NCKAP5: variants seen among roughly 807,000 people sequenced by gnomAD.
NCKAP5 encodes the protein nck-associated protein 5.
NCKAP5 carries 92 observed loss-of-function variants against 167.0 expected under a neutral mutation model. The observed-to-expected ratio is 0.55, with a 90% CI of 0.47 to 0.66. The LOEUF (loss-of-function observed/expected upper bound fraction) is 0.66, where lower values mean the gene tolerates loss of function less well. Ranked by LOEUF, NCKAP5 falls within the 30% of genes least tolerant of loss-of-function variation. NCKAP5 has a pLI of 0.00. For missense variants in NCKAP5, 2,378 were observed against 2,315.0 expected, an observed-to-expected ratio of 1.03 and a Z score of -0.56; for synonymous variants, 891 against 877.4, an observed-to-expected ratio of 1.02 and a Z score of -0.27.
intron 6 of NCKAP5, among the ~76,000 whole-genome samples, chr2:133,024,757 TCTC>T (rs1459229501): frequency 2.0e-5 from 3 of 152,208 alleles, no homozygotes; most frequent in Non-Finnish European, 4.4e-5. Context: ...TTCTCAATCT[TCTC>T]CTCTTATTTA....
At chr2:133,124,514 C>CAA (rs2082342543) in intron 6 of NCKAP5, among the ~76,000 whole-genome samples, 2 of 152,196 alleles carry the variant, frequency 1.3e-5, no homozygotes, top group Non-Finnish European at 2.9e-5. Flanking sequence ...TGTCACTATG[C>CAA]AATCATTAAT....
the NCKAP5 span, among the ~76,000 whole-genome samples, chr2:133,638,231 TAGAC>T: frequency 2.0e-5 from 3 of 152,144 alleles, no homozygotes; most frequent in South Asian, 2.1e-4. Flanking sequence ...AACTTTTAAA[TAGAC>T]AGGTAGATCT....
At chr2:133,233,395 C>CATA (rs2150258424) in intron 4 of NCKAP5, among the ~76,000 whole-genome samples, 1 of 152,150 alleles carries the variant, frequency 6.6e-6, no homozygotes, top group South Asian at 2.1e-4. Context: ...CAACACTGGC[C>CATA]AGTATCCCTA....
At chr2:133,490,173 G>A (rs1681312792) in intron 3 of NCKAP5, among the ~76,000 whole-genome samples, 1 of 152,194 alleles carries the variant, frequency 6.6e-6, no homozygotes, top group South Asian at 2.1e-4. Flanking sequence ...CCTCTGCCCA[G>A]CATCAACGGC....
chr2:133,157,981 T>C (rs1020158006), intron 5 of NCKAP5, among the ~76,000 whole-genome samples: 1 of 152,186 alleles, frequency 6.6e-6, no homozygotes, highest in Non-Finnish European at 1.5e-5. Flanking sequence ...GTAGTAGTAA[T>C]ATGGTTGCCA....
intron 8 of NCKAP5, among the ~76,000 whole-genome samples, chr2:132,918,121 T>C (rs1467062960): frequency 1.3e-5 from 2 of 152,182 alleles, no homozygotes; most frequent in Non-Finnish European, 2.9e-5. Context: ...TAAAAACCCA[T>C]GGGTTGGGAA....
chr2:133,642,787 T>C, the NCKAP5 span, among the ~76,000 whole-genome samples: 33 of 152,332 alleles, frequency 2.2e-4, 1 homozygote, highest in African/African-American at 7.7e-4. Flanking sequence ...TGGCTTCCAA[T>C]AGCAGTTGGT....
chr2:132,838,969 G>A (rs1688097586), intron 11 of NCKAP5, among the ~76,000 whole-genome samples: 1 of 152,276 alleles, frequency 6.6e-6, no homozygotes, highest in East Asian at 1.9e-4. Context: ...TAGTGACATG[G>A]AGAACCTTTT....
intron 6 of NCKAP5, among the ~76,000 whole-genome samples, chr2:133,041,958 A>G (rs1009811873): frequency 3.3e-5 from 5 of 152,178 alleles, no homozygotes; most frequent in African/African-American, 1.2e-4. Context: ...AATTCTGTCA[A>G]TGACAAACAC....
chr2:132,691,546 G>GT, intron 19 of NCKAP5, among the ~76,000 whole-genome samples: 1 of 152,022 alleles, frequency 6.6e-6, no homozygotes, highest in Non-Finnish European at 1.5e-5. Flanking sequence ...GATTAGTCAC[G>GT]TTTCAGTGTT....
intron 7 of NCKAP5, among the ~76,000 whole-genome samples, chr2:132,973,205 T>C (rs376958532): frequency 6.8e-4 from 103 of 152,196 alleles, no homozygotes; most frequent in African/African-American, 2.0e-3. Context: ...AACTAAAGAA[T>C]CCCAAATTAT....
chr2:133,402,053 A>G (rs946372143), intron 3 of NCKAP5, among the ~76,000 whole-genome samples: 1 of 152,012 alleles, frequency 6.6e-6, no homozygotes, highest in African/African-American at 2.4e-5. Flanking sequence ...GTCATCAAGG[A>G]AGCTTTAAAA....
chr2:133,465,785 C>A (rs1398779567), intron 3 of NCKAP5, among the ~76,000 whole-genome samples: 1 of 151,454 alleles, frequency 6.6e-6, no homozygotes, highest in African/African-American at 2.4e-5. Flanking sequence ...TTTCATGTGT[C>A]TTTTGGCTGC....
intron 19 of NCKAP5, among the ~76,000 whole-genome samples, chr2:132,711,120 T>C (rs1688801190): frequency 6.6e-6 from 1 of 152,226 alleles, no homozygotes; most frequent in African/African-American, 2.4e-5. Context: ...TGTTTAAATG[T>C]CCAGAAATAT....
intron 2 of NCKAP5, among the ~76,000 whole-genome samples, chr2:133,521,929 GGT>G (rs1684511742): frequency 6.6e-6 from 1 of 152,118 alleles, no homozygotes; most frequent in Admixed American, 6.5e-5. Context: ...TGGGGCTTAT[GGT>G]GGCTACCTCC....
At chr2:133,636,188 T>A in the NCKAP5 span, among the ~76,000 whole-genome samples, 1 of 152,234 alleles carries the variant, frequency 6.6e-6, no homozygotes, top group East Asian at 1.9e-4. Flanking sequence ...TCATGAGGTC[T>A]GTTGGTTTTT....
intron 16 of NCKAP5, among the ~76,000 whole-genome samples, chr2:132,737,881 C>T (rs1160098119): frequency 6.6e-6 from 1 of 152,218 alleles, no homozygotes; most frequent in Non-Finnish European, 1.5e-5. Flanking sequence ...GTGGCTCCTG[C>T]TCCATGATTG....
chr2:133,267,326 A>G (rs2089290799), intron 4 of NCKAP5: 1 of 152,290 alleles, frequency 6.6e-6, no homozygotes, highest in Non-Finnish European at 1.5e-5. Flanking sequence ...TCTGGGTGGA[A>G]CGAATGTCTG....
In NCKAP5 at chr2:133,437,180, C is replaced by T. The variant is rs184209941; in HGVS notation, c.69+80278G>A. 2.3e-3 allele frequency among the ~76,000 whole-genome samples: 351 copies of T among 152,014 alleles called. 2 individuals are homozygous for T. Among genetic ancestry groups the T allele is most frequent in the African/African-American group, 8.0e-3 (330 of 41,454 alleles). ...CATCCTGGCTAACATGGTGAAACCC[C>T]GTCTCTACTAGAAATACAAAAAATT... On this transcript the variant is annotated intron_variant, in intron 3 of 19. Transcript: ENST00000409261.
Sources: gnomAD v4.1 joint callset for allele counts (sites outside exome capture counted in the v4.1 genomes callset) on GRCh38, gnomAD v4.1.1 for gene constraint, MANE v1.5 for transcripts, NCBI Gene and HGNC (gene_info 2026-07-23, HGNC 2026-07-21) for gene names.